The following AKAP19 variants were observed in gnomAD, a reference collection of about 807,000 sequenced individuals.
AKAP19 encodes A-kinase anchoring protein 19.
the AKAP19 span, among the ~76,000 whole-genome samples, chr2:189,962,577 G>A: frequency 6.6e-6 from 1 of 152,130 alleles, no homozygotes; most frequent in Non-Finnish European, 1.5e-5. Context: ...AAAACTTTTA[G>A]ATCTGACCAA....
At chr2:190,051,223 A>G in the AKAP19 span, among the ~76,000 whole-genome samples, 1 of 152,200 alleles carries the variant, frequency 6.6e-6, no homozygotes, top group Non-Finnish European at 1.5e-5. Context: ...ATTCCTATAT[A>G]ATGTGATTTT....
chr2:190,099,708 G>A, the AKAP19 span, among the ~76,000 whole-genome samples: 1 of 152,182 alleles, frequency 6.6e-6, no homozygotes, highest in African/African-American at 2.4e-5. Context: ...AAAGTGAAAT[G>A]CAATAAAATG....
chr2:190,009,071 A>G, the AKAP19 span, among the ~76,000 whole-genome samples: 2 of 152,124 alleles, frequency 1.3e-5, no homozygotes, highest in Non-Finnish European at 2.9e-5. Flanking sequence ...TAAAAGGAAG[A>G]TATCTGGCAT....
chr2:190,016,948 T>C, the AKAP19 span, among the ~76,000 whole-genome samples: 1 of 152,194 alleles, frequency 6.6e-6, no homozygotes, highest in Non-Finnish European at 1.5e-5. Context: ...ATTTGCTTTA[T>C]ATATTTAGGT....
chr2:189,918,028 C>T, the AKAP19 span, among the ~76,000 whole-genome samples: 245 of 151,758 alleles, frequency 1.6e-3, no homozygotes, highest in African/African-American at 5.8e-3. Flanking sequence ...TATCATTGTC[C>T]ACTAGTGTTG....
chr2:189,993,742 G>A, the AKAP19 span, among the ~76,000 whole-genome samples: 1 of 151,996 alleles, frequency 6.6e-6, no homozygotes, highest in Non-Finnish European at 1.5e-5. Context: ...TAGGAGGGTT[G>A]CATATTTCCA....
At chr2:190,128,971 TA>T in the AKAP19 span, among the ~76,000 whole-genome samples, 1 of 152,366 alleles carries the variant, frequency 6.6e-6, no homozygotes. Context: ...GAACCTGGAA[TA>T]TTTTTTAATG....
the AKAP19 span, among the ~76,000 whole-genome samples, chr2:189,890,471 C>A: frequency 1.3e-5 from 2 of 152,210 alleles, no homozygotes; most frequent in Non-Finnish European, 2.9e-5. Flanking sequence ...TCCTGAATAT[C>A]CTTGTTAATT....
the AKAP19 span, among the ~76,000 whole-genome samples, chr2:189,998,401 T>C: frequency 6.6e-6 from 1 of 152,084 alleles, no homozygotes; most frequent in African/African-American, 2.4e-5. Flanking sequence ...ATTTTCTTAA[T>C]GAAAAAAAAA....
chr2:190,030,062 C>T, the AKAP19 span, among the ~76,000 whole-genome samples: 3 of 152,040 alleles, frequency 2.0e-5, no homozygotes, highest in African/African-American at 7.2e-5. Context: ...GTGTAACATC[C>T]CAAAGGGTTC....
chr2:190,054,775 G>T, the AKAP19 span, among the ~76,000 whole-genome samples: 1 of 152,160 alleles, frequency 6.6e-6, no homozygotes, highest in African/African-American at 2.4e-5. Context: ...AAACCACAAT[G>T]AGATACCATC....
At chr2:189,931,205 G>T in the AKAP19 span, among the ~76,000 whole-genome samples, 3 of 118,050 alleles carry the variant, frequency 2.5e-5, no homozygotes, top group African/African-American at 5.3e-5. Context: ...TGAAATGGTG[G>T]TTTTTTTTCT....
the AKAP19 span, among the ~76,000 whole-genome samples, chr2:190,147,874 T>C: frequency 4.1e-4 from 62 of 152,314 alleles, no homozygotes; most frequent in South Asian, 0.011. Flanking sequence ...CTGGAAACTT[T>C]GCTGAATTAT....
At chr2:189,914,821 T>A in the AKAP19 span, among the ~76,000 whole-genome samples, 2 of 152,176 alleles carry the variant, frequency 1.3e-5, no homozygotes, top group Admixed American at 1.3e-4. Context: ...ATGAGAAAAT[T>A]GAAGCTTAGA....
chr2:189,948,283 C>A, the AKAP19 span, among the ~76,000 whole-genome samples: 1 of 152,024 alleles, frequency 6.6e-6, no homozygotes, highest in African/African-American at 2.4e-5. Flanking sequence ...TTTTACCAAG[C>A]CTTGTTACAG....
chr2:189,919,743 A>T, the AKAP19 span, among the ~76,000 whole-genome samples: 3 of 152,182 alleles, frequency 2.0e-5, no homozygotes, highest in African/African-American at 7.2e-5. Context: ...TGGCTGCAAC[A>T]TCACTTTTTA....
chr2:190,015,374 A>G, the AKAP19 span, among the ~76,000 whole-genome samples: 1 of 152,198 alleles, frequency 6.6e-6, no homozygotes, highest in Non-Finnish European at 1.5e-5. Flanking sequence ...TACCCTCTGA[A>G]ACAACAGCCT....
At chr2:190,203,103 T>C in the AKAP19 span, 1 of 167,122 alleles carries the variant, frequency 6.0e-6, no homozygotes, top group Non-Finnish European at 1.5e-5. Flanking sequence ...GATACGCATA[T>C]ATCCTACTCA....
the AKAP19 span, among the ~76,000 whole-genome samples, chr2:190,190,724 T>G: frequency 2.0e-4 from 30 of 152,318 alleles, no homozygotes; most frequent in African/African-American, 7.0e-4. Flanking sequence ...TTTTTTAAAT[T>G]TTAGCAATCT....
Sources: gnomAD v4.1 joint callset for allele counts (sites outside exome capture counted in the v4.1 genomes callset) on GRCh38, gnomAD v4.1.1 for gene constraint, MANE v1.5 for transcripts, NCBI Gene and HGNC (gene_info 2026-07-23, HGNC 2026-07-21) for gene names.